The following SZRD1 variants were observed in gnomAD, a reference collection of about 807,000 sequenced individuals.
The protein encoded by SZRD1 is SUZ RNA-binding domain-containing.
In SZRD1, 7 loss-of-function variants were observed where a neutral mutation model predicts 17.6. The ratio of observed to expected loss-of-function variants is 0.40; its 90% CI spans 0.23 to 0.75. SZRD1 has a LOEUF of 0.75. Ranked by LOEUF, SZRD1 falls within the 30% of genes least tolerant of loss-of-function variation. The pLI is 0.38. For missense variants in SZRD1, 178 were observed against 201.8 expected (o/e 0.88, Z 0.71); for synonymous variants, 77 against 77.9 (o/e 0.99, Z 0.06).
intron 1 of SZRD1, among the ~76,000 whole-genome samples, chr1:16,384,509 T>C (rs1304130304): frequency 6.6e-6 from 1 of 152,122 alleles, no homozygotes; most frequent in African/African-American, 2.4e-5. Context: ...CCAAGTGAAA[T>C]TGGGAATTCT....
chr1:16,379,014 A>T (rs916021161), intron 1 of SZRD1, among the ~76,000 whole-genome samples: 1 of 152,070 alleles, frequency 6.6e-6, no homozygotes, highest in African/African-American at 2.4e-5. Flanking sequence ...GGTGTGAGCC[A>T]CTGTGCCCGA....
chr1:16,384,954 T>G (rs779761619), intron 1 of SZRD1, among the ~76,000 whole-genome samples: 1 of 152,200 alleles, frequency 6.6e-6, no homozygotes, highest in Non-Finnish European at 1.5e-5. Flanking sequence ...CAGTTGTTAT[T>G]CTTTGAATTT....
chr1:16,379,899 T>C (rs2083069594), intron 1 of SZRD1, among the ~76,000 whole-genome samples: 1 of 152,076 alleles, frequency 6.6e-6, no homozygotes, highest in Non-Finnish European at 1.5e-5. Flanking sequence ...TAGGTGGGAT[T>C]ACAGGCGCCA....
chr1:16,391,209 G>T lies in SZRD1; in HGVS notation c.52-166G>T, dbSNP rs770220499. Among the ~76,000 whole-genome samples, 1 of 152,112 alleles carries T rather than the reference G, an allele frequency of 6.6e-6. No individual in the cohort carries two copies. Among genetic ancestry groups the T allele is most frequent in the Non-Finnish European group, 1.5e-5 (1 of 68,028 alleles). ...TAGAAGGGAGATGGACCTGCAGAGGGTATCAGGTCCCCAAACCCCAAAATC... is the reference window on the plus strand; with the variant it reads ...TAGAAGGGAGATGGACCTGCAGAGGTTATCAGGTCCCCAAACCCCAAAATC... On this transcript the variant is annotated intron_variant, in intron 1 of 3. Coordinates refer to ENST00000401088, the MANE Select transcript of SZRD1 (RefSeq NM_001114600.3). This position sits in a 1 kb window ranked among gnomAD's most constrained non-coding sequence, Gnocchi z 4.3.
Position 16,391,301 on chromosome 1 carries a change from G to T in SZRD1, c.52-74G>T. ...GGCTAGAGAAAGGACACTGCCCTTA[G>T]CTCCAAAAATAAAGACTAAGTTTTT... On this transcript the variant is annotated intron_variant, in intron 1 of 3. Coordinates refer to ENST00000401088, the MANE Select transcript of SZRD1 (RefSeq NM_001114600.3). The surrounding 1 kb of genome is among the most constrained non-coding windows in gnomAD (Gnocchi z 4.3). 1 of 1,138,274 alleles carries T rather than the reference G, an allele frequency of 8.8e-7. No individual in the cohort carries two copies. Among genetic ancestry groups the T allele is most frequent in the Non-Finnish European group, 1.3e-6 (1 of 776,906 alleles). 70.5% of individuals were successfully genotyped at this position (1,138,274 alleles called of 1,614,324 possible).
intron 1 of SZRD1, among the ~76,000 whole-genome samples, chr1:16,375,419 A>G (rs1315503431): frequency 1.3e-5 from 2 of 151,984 alleles, no homozygotes; most frequent in African/African-American, 4.8e-5. Context: ...GGTTCAAGCA[A>G]TTCTCATGCC....
chr1:16,372,343 G>C (rs1196556353), intron 1 of SZRD1, among the ~76,000 whole-genome samples: 1 of 152,028 alleles, frequency 6.6e-6, no homozygotes, highest in Non-Finnish European at 1.5e-5. Flanking sequence ...CATGGTGGCA[G>C]GTGCCTGTAA....
chr1:16,377,440 C>G (rs760205378), intron 1 of SZRD1, among the ~76,000 whole-genome samples: 1 of 151,472 alleles, frequency 6.6e-6, no homozygotes, highest in East Asian at 1.9e-4. Context: ...AAAAAATGAG[C>G]GGGACGTGGT....
chr1:16,373,980 G>A (rs1016129344), intron 1 of SZRD1, among the ~76,000 whole-genome samples: 11 of 152,174 alleles, frequency 7.2e-5, no homozygotes, highest in Non-Finnish European at 1.6e-4. Context: ...TCTCCCCAAA[G>A]TGTGACTGCC....
rs544977902 is a variant in SZRD1 at position 16,391,151 on chromosome 1, T to C, written c.52-224T>C. ...CTATGCAAAGAACCCAGCTGAACAA[T>C]GAGGTTTAGAACTGTCATGGCGGCC... is the stretch of plus-strand genomic sequence containing the variant. On this transcript the variant is annotated intron_variant, in intron 1 of 3. Transcript: ENST00000401088. The surrounding 1 kb of genome is among the most constrained non-coding windows in gnomAD (Gnocchi z 4.3). 1.3e-5 allele frequency among the ~76,000 whole-genome samples: 2 copies of C among 152,090 alleles called. No individual in the cohort carries two copies. The highest frequency in any genetic ancestry group is 4.2e-4 in the South Asian group (2 of 4,814).
intron 1 of SZRD1, chr1:16,387,801 G>A (rs2085151167): frequency 2.4e-6 from 1 of 424,418 alleles, no homozygotes; most frequent in African/African-American, 2.0e-5. Flanking sequence ...AAAGGTAATA[G>A]GCAATAGACT....
At chr1:16,372,210 C>T (rs188691118) in intron 1 of SZRD1, among the ~76,000 whole-genome samples, 30 of 152,142 alleles carry the variant, frequency 2.0e-4, no homozygotes, top group African/African-American at 7.0e-4. Flanking sequence ...TGGTGGCTCA[C>T]GCCTGTAATC....
chr1:16,370,185 G>A (rs546405489), intron 1 of SZRD1, among the ~76,000 whole-genome samples: 5 of 151,618 alleles, frequency 3.3e-5, no homozygotes, highest in South Asian at 2.1e-4. Flanking sequence ...TCTACCTGGG[G>A]ACATGTGGAA....
chr1:16,393,907 GCA>G lies in SZRD1; in HGVS notation c.356+426_356+427del, dbSNP rs1447246018. Among the ~76,000 whole-genome samples, 1 of 152,190 alleles carries G rather than the reference GCA, an allele frequency of 6.6e-6. No individual in the cohort carries two copies. The highest frequency in any genetic ancestry group is 2.4e-5 in the African/African-American group (1 of 41,444). On this transcript the variant is annotated intron_variant, in intron 3 of 3. Coordinates refer to ENST00000401088, the MANE Select transcript of SZRD1 (RefSeq NM_001114600.3). This position sits in a 1 kb window ranked among gnomAD's most constrained non-coding sequence, Gnocchi z 5.6. ...GTTGTGCAATTCAGTGAGTAAATGA[GCA>G]TAGGATGTGGAGAGCCTGGGCTGGC...
At chr1:16,376,618 C>T (rs1348775762) in intron 1 of SZRD1, among the ~76,000 whole-genome samples, 1 of 151,966 alleles carries the variant, frequency 6.6e-6, no homozygotes, top group East Asian at 1.9e-4. Flanking sequence ...TCAGCCTGGC[C>T]AACATGGTGA....
At chr1:16,369,903 A>C (rs59708671) in intron 1 of SZRD1, among the ~76,000 whole-genome samples, 4,069 of 149,616 alleles carry the variant, frequency 0.027, 191 homozygotes, top group African/African-American at 0.096. Context: ...AAAAAACAAA[A>C]AAAAAAAACT....
chr1:16,391,107 T>C lies in SZRD1; in HGVS notation c.52-268T>C, dbSNP rs1418648565. Among the ~76,000 whole-genome samples, 1 of 152,114 alleles carries C rather than the reference T, an allele frequency of 6.6e-6. No individual in the cohort carries two copies. The highest frequency in any genetic ancestry group is 1.5e-5 in the Non-Finnish European group (1 of 68,024). On this transcript the variant is annotated intron_variant, in intron 1 of 3. Coordinates refer to ENST00000401088, the MANE Select transcript of SZRD1 (RefSeq NM_001114600.3). This position sits in a 1 kb window ranked among gnomAD's most constrained non-coding sequence, Gnocchi z 4.3. Reference sequence around the variant, plus strand: ...GGCTCTGTGAAAGACAGATTACAGGTCAGAAAACTGGTTGGAGGCTATGCA... The same window carrying C: ...GGCTCTGTGAAAGACAGATTACAGGCCAGAAAACTGGTTGGAGGCTATGCA...
intron 1 of SZRD1, among the ~76,000 whole-genome samples, chr1:16,377,562 C>CAAAAAAAAA (rs34066824): frequency 6.0e-4 from 37 of 62,034 alleles, no homozygotes; most frequent in Non-Finnish European, 6.9e-4. Flanking sequence ...GACTCTGTCT[C>CAAAAAAAAA]AAAAAAAAAA....
intron 3 of SZRD1, among the ~76,000 whole-genome samples, chr1:16,394,779 A>AC (rs1212127167): frequency 3.9e-5 from 6 of 151,986 alleles, no homozygotes; most frequent in Non-Finnish European, 8.8e-5. Context: ...ACATGGTGAA[A>AC]CCCCATCTCT....
Sources: allele counts gnomAD v4.1 joint callset (sites outside exome capture counted in the v4.1 genomes callset), GRCh38; gene constraint gnomAD v4.1.1; non-coding constraint Gnocchi (gnomAD v3.1); transcripts MANE v1.5; gene names NCBI Gene and HGNC (gene_info 2026-07-23, HGNC 2026-07-21).